DPP10: variants seen among roughly 807,000 people sequenced by gnomAD.
DPP10 encodes dipeptidyl peptidase like 10.
DPP10 carries 33 observed loss-of-function variants against 120.9 expected under a neutral mutation model. That is an observed-to-expected ratio of 0.27 (90% CI 0.21 to 0.37). DPP10 has a LOEUF of 0.37. Among genes scored for constraint, DPP10 ranks in the 10% least tolerant of loss-of-function variants. The probability of loss-of-function intolerance (pLI) is 1.00; values close to 1 mark genes in which losing one functional copy is unlikely to be tolerated. For missense variants in DPP10, 816 were observed against 942.8 expected (o/e 0.87, Z 1.76); for synonymous variants, 337 against 326.1 (o/e 1.03, Z -0.36).
chr2:115,434,941 A>G (rs2071349458), intron 3 of DPP10, among the ~76,000 whole-genome samples: 1 of 151,536 alleles, frequency 6.6e-6, no homozygotes, highest in African/African-American at 2.4e-5. Flanking sequence ...TGTCCTTATG[A>G]GATTAGTTAA....
In DPP10 at chr2:114,925,944, C is replaced by T. The variant is rs368314292; in HGVS notation, c.61-383295C>T. 1.6e-4 allele frequency among the ~76,000 whole-genome samples: 25 copies of T among 152,274 alleles called. 1 individual carries two copies. The highest frequency in any genetic ancestry group is 5.5e-4 in the African/African-American group (23 of 41,550). On this transcript the variant is annotated intron_variant, in intron 1 of 25. Transcript: ENST00000410059. ...CTGAGTGTCTAGTACATACTAAGCA[C>T]GGTATTCATGTCCCAGGTACAGAGA...
At chr2:115,194,767 G>A (rs1246949773) in intron 1 of DPP10, among the ~76,000 whole-genome samples, 1 of 152,098 alleles carries the variant, frequency 6.6e-6, no homozygotes, top group Non-Finnish European at 1.5e-5. Flanking sequence ...AATCTACACG[G>A]CAGAGGACTA....
At chr2:115,012,595 T>C (rs1247621206) in intron 1 of DPP10, among the ~76,000 whole-genome samples, 1 of 152,106 alleles carries the variant, frequency 6.6e-6, no homozygotes, top group Non-Finnish European at 1.5e-5. Context: ...AGTATCACTA[T>C]AGTTTGGCTC....
chr2:115,261,491 C>T (rs996279557), intron 1 of DPP10, among the ~76,000 whole-genome samples: 3 of 152,162 alleles, frequency 2.0e-5, no homozygotes, highest in African/African-American at 7.2e-5. Context: ...TCTATGTTGG[C>T]TTTTCTGTCC....
chr2:115,139,056 C>T (rs1231172251), intron 1 of DPP10, among the ~76,000 whole-genome samples: 1 of 152,124 alleles, frequency 6.6e-6, no homozygotes, highest in Non-Finnish European at 1.5e-5. Flanking sequence ...CATTCCTCCT[C>T]CAAGTATGAT....
chr2:114,585,321 G>C (rs558950907), intron 1 of DPP10, among the ~76,000 whole-genome samples: 3 of 152,230 alleles, frequency 2.0e-5, no homozygotes, highest in South Asian at 4.2e-4. Context: ...TGTGCCTCCA[G>C]CGCATTTCCC....
At chr2:115,146,799 C>T (rs2051247700) in intron 1 of DPP10, among the ~76,000 whole-genome samples, 1 of 152,108 alleles carries the variant, frequency 6.6e-6, no homozygotes, top group Admixed American at 6.6e-5. Flanking sequence ...TATAAAAACA[C>T]TTTAGACAGG....
chr2:114,553,903 A>G (rs1468031712), intron 1 of DPP10, among the ~76,000 whole-genome samples: 2 of 152,246 alleles, frequency 1.3e-5, no homozygotes, highest in African/African-American at 4.8e-5. Flanking sequence ...ATATCAGCGC[A>G]ATAGATCACA....
chr2:115,699,146 T>C (rs1346050764), intron 7 of DPP10, among the ~76,000 whole-genome samples: 2 of 151,686 alleles, frequency 1.3e-5, no homozygotes, highest in Non-Finnish European at 2.9e-5. Context: ...CTATGAACAA[T>C]TGTATACCAA....
At chr2:115,162,643 C>T (rs1435385580) in intron 1 of DPP10, among the ~76,000 whole-genome samples, 1 of 152,062 alleles carries the variant, frequency 6.6e-6, no homozygotes, top group African/African-American at 2.4e-5. Flanking sequence ...TTAAGTGGAG[C>T]CGGGAAGGCG....
intron 1 of DPP10, among the ~76,000 whole-genome samples, chr2:115,302,210 T>G (rs987271872): frequency 6.6e-6 from 1 of 151,570 alleles, no homozygotes; most frequent in Non-Finnish European, 1.5e-5. Flanking sequence ...GAGGGAAATC[T>G]GCCCCCCGTC....
At chr2:115,166,599 GTTTA>G (rs2052893294) in intron 1 of DPP10, among the ~76,000 whole-genome samples, 1 of 115,980 alleles carries the variant, frequency 8.6e-6, no homozygotes, top group South Asian at 2.4e-4. Flanking sequence ...AAGGCATTTT[GTTTA>G]TTAAGAACAT....
At chr2:115,103,900 A>T (rs548116134) in intron 1 of DPP10, among the ~76,000 whole-genome samples, 1 of 152,270 alleles carries the variant, frequency 6.6e-6, no homozygotes, top group East Asian at 1.9e-4. Context: ...TTTGGATTTC[A>T]TATTTTTTCA....
intron 1 of DPP10, among the ~76,000 whole-genome samples, chr2:114,941,866 A>G: frequency 6.6e-6 from 1 of 152,128 alleles, no homozygotes; most frequent in Admixed American, 6.5e-5. Flanking sequence ...GACGTGGTAA[A>G]ATTTCAGAAC....
At chr2:115,354,083 G>A (rs767751981) in intron 3 of DPP10, among the ~76,000 whole-genome samples, 4 of 152,086 alleles carry the variant, frequency 2.6e-5, no homozygotes, top group African/African-American at 9.7e-5. Flanking sequence ...TGTAAAAAAA[G>A]AAGTCATTGC....
chr2:114,724,241 C>G (rs1208741940), intron 1 of DPP10, among the ~76,000 whole-genome samples: 3 of 152,178 alleles, frequency 2.0e-5, no homozygotes, highest in African/African-American at 2.4e-5. Context: ...TCCATAGGCT[C>G]TAGATTAACT....
intron 1 of DPP10, among the ~76,000 whole-genome samples, chr2:115,305,050 C>G (rs2061304967): frequency 6.6e-6 from 1 of 152,034 alleles, no homozygotes; most frequent in Non-Finnish European, 1.5e-5. Flanking sequence ...TGACGTTGAA[C>G]ACAAGCGTTT....
intron 1 of DPP10, among the ~76,000 whole-genome samples, chr2:114,907,779 G>A (rs961105690): frequency 3.3e-5 from 5 of 152,012 alleles, no homozygotes; most frequent in East Asian, 3.9e-4. Flanking sequence ...TAATGGCTTC[G>A]GTGTTCAGTA....
At chr2:114,716,150 T>A (rs766800472) in intron 1 of DPP10, among the ~76,000 whole-genome samples, 2 of 150,998 alleles carry the variant, frequency 1.3e-5, no homozygotes, top group African/African-American at 4.9e-5. Flanking sequence ...AGTGAAGACA[T>A]GAATGCTAGG....
Sources: allele counts gnomAD v4.1 joint callset (sites outside exome capture counted in the v4.1 genomes callset), GRCh38; gene constraint gnomAD v4.1.1; transcripts MANE v1.5; gene names NCBI Gene and HGNC (gene_info 2026-07-23, HGNC 2026-07-21).